Variants in PID1 observed in about 807,000 individuals in gnomAD.
PID1 encodes the protein PTB-containing, cubilin and LRP1-interacting protein.
A neutral mutation model predicts 19.1 loss-of-function variants in PID1; 10 were observed. The observed-to-expected ratio is 0.52, with a 90% CI of 0.32 to 0.89. The LOEUF (loss-of-function observed/expected upper bound fraction) is 0.89. Ranked by LOEUF, PID1 falls within the 40% of genes least tolerant of loss-of-function variation. The probability of loss-of-function intolerance (pLI) is 0.03; values close to 1 mark genes in which losing one functional copy is unlikely to be tolerated. For missense variants in PID1, 248 were observed against 285.3 expected (o/e 0.87, Z 0.94); for synonymous variants, 130 against 116.0 (o/e 1.12, Z -0.78).
intron 2 of PID1, among the ~76,000 whole-genome samples, chr2:229,112,383 G>A (rs1479399157): frequency 2.0e-5 from 3 of 152,108 alleles, no homozygotes; most frequent in Admixed American, 6.6e-5. Context: ...CCACTGAAAC[G>A]TTAAACGCTC....
chr2:229,124,293 T>C (rs1326047987), intron 2 of PID1, among the ~76,000 whole-genome samples: 7 of 152,206 alleles, frequency 4.6e-5, no homozygotes, highest in African/African-American at 1.7e-4. Flanking sequence ...ACTTTATCCA[T>C]CTGTCCTGCC....
chr2:229,210,651 T>A (rs1055069253), intron 1 of PID1, among the ~76,000 whole-genome samples: 2 of 151,980 alleles, frequency 1.3e-5, no homozygotes, highest in African/African-American at 4.8e-5. Context: ...TAGCTTTTTG[T>A]CTTATAAATT....
At chr2:229,150,270 TAAAG>T (rs1690223971) in intron 2 of PID1, among the ~76,000 whole-genome samples, 1 of 140,006 alleles carries the variant, frequency 7.1e-6, no homozygotes, top group South Asian at 2.3e-4. Context: ...AAGAAAGAAG[TAAAG>T]AAAAGAAAAG....
intron 1 of PID1, among the ~76,000 whole-genome samples, chr2:229,251,944 TAAAAAAAA>T (rs11284650): frequency 2.8e-5 from 2 of 71,458 alleles, no homozygotes; most frequent in East Asian, 7.4e-4. Context: ...AACCATAAGC[TAAAAAAAA>T]AAAAAAAAAA....
intron 2 of PID1, among the ~76,000 whole-genome samples, chr2:229,111,484 A>G (rs1695298035): frequency 6.6e-6 from 1 of 152,208 alleles, no homozygotes; most frequent in African/African-American, 2.4e-5. Flanking sequence ...TACAATTAAG[A>G]TATTTTATAT....
rs1023683603 is a variant in PID1, at chr2:229,260,236, G to A, written c.30+10778C>T. On this transcript the variant is annotated intron_variant, in intron 1 of 2. Coordinates refer to ENST00000392055, the MANE Select transcript of PID1 (RefSeq NM_001100818.2). The stretch of plus-strand genomic sequence containing the variant: ...AGAAATACAGGCACCAGTAGGTCAG[G>A]ATAGACACAAAAATTTATAGCAGTA... 1.1e-4 allele frequency among the ~76,000 whole-genome samples: 16 copies of A among 151,908 alleles called. No homozygotes were observed. The South Asian group carries it at 2.1e-3, about 20-fold the overall frequency.
At chr2:229,163,674 T>TGTGTGTGCAC (rs374622113) in intron 1 of PID1, among the ~76,000 whole-genome samples, 5 of 94,372 alleles carry the variant, frequency 5.3e-5, no homozygotes, top group Non-Finnish European at 4.9e-5. Flanking sequence ...TGTGTGTGTG[T>TGTGTGTGCAC]GCGTGTGCGT....
intron 1 of PID1, among the ~76,000 whole-genome samples, chr2:229,209,204 A>G (rs1002073036): frequency 2.0e-5 from 3 of 152,230 alleles, no homozygotes; most frequent in South Asian, 2.1e-4. Context: ...CAAAGGAACT[A>G]TACCAGCAAG....
chr2:229,193,190 C>T (rs1339614933), intron 1 of PID1, among the ~76,000 whole-genome samples: 1 of 152,166 alleles, frequency 6.6e-6, no homozygotes, highest in Non-Finnish European at 1.5e-5. Flanking sequence ...AGCTGGTGGA[C>T]AGGCCAGTTA....
intron 1 of PID1, among the ~76,000 whole-genome samples, chr2:229,213,278 C>A (rs1691777425): frequency 6.6e-6 from 1 of 152,012 alleles, no homozygotes; most frequent in Non-Finnish European, 1.5e-5. Flanking sequence ...CAGAGGACAG[C>A]CCACCCCCTT....
At chr2:229,239,443 A>G (rs1385009822) in intron 1 of PID1, among the ~76,000 whole-genome samples, 1 of 152,092 alleles carries the variant, frequency 6.6e-6, no homozygotes, top group Non-Finnish European at 1.5e-5. Context: ...ACAAGAAGAC[A>G]AAGCCGAACC....
chr2:229,209,900 C>A (rs1033933103), intron 1 of PID1, among the ~76,000 whole-genome samples: 15 of 152,092 alleles, frequency 9.9e-5, no homozygotes, highest in African/African-American at 3.6e-4. Context: ...CACTTAGGAT[C>A]ACATTGATAG....
intron 2 of PID1, among the ~76,000 whole-genome samples, chr2:229,153,129 T>C (rs1277009176): frequency 6.6e-6 from 1 of 152,188 alleles, no homozygotes; most frequent in African/African-American, 2.4e-5. Flanking sequence ...AAAAGGATTT[T>C]AAACCAACAT....
Position 229,046,436 on chromosome 2 carries a change from T to TA in PID1, c.178-20329dup, listed in dbSNP as rs1193881701. Among the ~76,000 whole-genome samples the TA allele has an allele frequency of 8.0e-5, 12 of 150,708 alleles. No individual in the cohort carries two copies. The East Asian group carries it at 1.4e-3, about 17-fold the overall frequency. On this transcript the variant is annotated intron_variant, in intron 2 of 2. Coordinates refer to ENST00000392055, the MANE Select transcript of PID1 (RefSeq NM_001100818.2). Reference sequence around the variant, plus strand: ...GGGAACCAAAAAACGCACTTTGTGGTAAAAAAAATTTAAAACATGCCTCAA... The same window carrying TA: ...GGGAACCAAAAAACGCACTTTGTGGTAAAAAAAAATTTAAAACATGCCTCAA...
intron 2 of PID1, among the ~76,000 whole-genome samples, chr2:229,077,079 C>T (rs1574609567): frequency 3.9e-5 from 6 of 152,206 alleles, no homozygotes; most frequent in East Asian, 1.9e-4. Context: ...CTTTAATGAC[C>T]GCTATTCTAA....
At chr2:229,222,864 AACACACAC>A (rs72386398) in intron 1 of PID1, among the ~76,000 whole-genome samples, 20 of 103,904 alleles carry the variant, frequency 1.9e-4, no homozygotes, top group African/African-American at 7.5e-4. Context: ...TTCACACACA[AACACACAC>A]ACACACACAC....
intron 1 of PID1, among the ~76,000 whole-genome samples, 193 bp from the exon 2 acceptor site, chr2:229,156,157 A>G (rs1322232808): frequency 6.6e-6 from 1 of 152,246 alleles, no homozygotes; most frequent in Non-Finnish European, 1.5e-5. Context: ...CTGTGGAGAC[A>G]GTCAATTCCT....
intron 2 of PID1, among the ~76,000 whole-genome samples, chr2:229,110,741 C>T (rs1252856542): frequency 6.6e-6 from 1 of 152,080 alleles, no homozygotes; most frequent in East Asian, 1.9e-4. Context: ...AGTTATTGTC[C>T]AGTCCTTGGC....
At chr2:229,228,122 C>A in intron 1 of PID1, 1 of 446,642 alleles carries the variant, frequency 2.2e-6, no homozygotes, top group Non-Finnish European at 4.5e-6. Context: ...CCAAGAGAAT[C>A]GAGATAAAGA....
Sources: allele counts gnomAD v4.1 joint callset (sites outside exome capture counted in the v4.1 genomes callset), GRCh38; gene constraint gnomAD v4.1.1; transcripts MANE v1.5; gene names NCBI Gene and HGNC (gene_info 2026-07-23, HGNC 2026-07-21).